AUTS2: variants seen among roughly 807,000 people sequenced by gnomAD.
The protein encoded by AUTS2 is autism susceptibility gene 2 protein.
Under a neutral mutation model 112.4 loss-of-function variants are expected in AUTS2, and 17 were observed. That is an observed-to-expected ratio of 0.15 (90% CI 0.10 to 0.23). AUTS2 has a LOEUF of 0.23. Among genes scored for constraint, AUTS2 ranks in the 10% least tolerant of loss-of-function variants. The pLI is 1.00. For synonymous variants in AUTS2, 751 were observed against 702.7 expected (o/e 1.07, Z -1.09); for missense variants, 1,510 against 1,701.6 (o/e 0.89, Z 1.98).
At chr7:70,299,605 A>G (rs1454995450) in intron 4 of AUTS2, among the ~76,000 whole-genome samples, 1 of 152,092 alleles carries the variant, frequency 6.6e-6, no homozygotes, top group African/African-American at 2.4e-5. Context: ...TTCTGCCACC[A>G]CAGCCTGAAC....
At chr7:70,003,217 A>C (rs1234137865) in intron 2 of AUTS2, among the ~76,000 whole-genome samples, 1 of 134,048 alleles carries the variant, frequency 7.5e-6, no homozygotes, top group East Asian at 2.2e-4. Flanking sequence ...TGAATATATT[A>C]TATATGAATA....
intron 4 of AUTS2, among the ~76,000 whole-genome samples, chr7:70,171,165 T>A (rs1216026706): frequency 6.6e-6 from 1 of 152,174 alleles, no homozygotes; most frequent in African/African-American, 2.4e-5. Flanking sequence ...ATTTCAAAAT[T>A]GAAAATTCTT....
chr7:70,652,634 C>A (rs754413626), intron 5 of AUTS2, among the ~76,000 whole-genome samples: 1 of 152,182 alleles, frequency 6.6e-6, no homozygotes, highest in Non-Finnish European at 1.5e-5. Flanking sequence ...CCTGTAGTCT[C>A]AGCTACTCGA....
At chr7:70,428,164 C>A (rs1469184132) in intron 4 of AUTS2, among the ~76,000 whole-genome samples, 2 of 152,108 alleles carry the variant, frequency 1.3e-5, no homozygotes, top group Non-Finnish European at 2.9e-5. Flanking sequence ...AGAACATTTT[C>A]AGGTTTAAAA....
At chr7:70,317,213 G>A (rs1387153986) in intron 4 of AUTS2, among the ~76,000 whole-genome samples, 2 of 152,026 alleles carry the variant, frequency 1.3e-5, no homozygotes, top group African/African-American at 4.8e-5. Context: ...ACTTTTTCCT[G>A]TGTATATTTT....
chr7:70,257,865 T>C lies in AUTS2; in HGVS notation c.660+123294T>C, dbSNP rs189747009. Among the ~76,000 whole-genome samples, 101 of 152,246 alleles carry C rather than the reference T, an allele frequency of 6.6e-4. No homozygotes were observed. The East Asian group carries it at 0.013, about 19-fold the overall frequency. On this transcript the variant is annotated intron_variant, in intron 4 of 18. Transcript: ENST00000342771. ...TCAGTGTGTGAGTATAGAATTGAGG[T>C]AGGCTGACAACACAAAAGTGGGCAG...
In AUTS2 at chr7:70,694,363, T is replaced by C. The variant is rs1808939142; in HGVS notation, c.691-4206T>C. 1 of 145,140 alleles carries C rather than the reference T, an allele frequency of 6.9e-6. No individual in the cohort carries two copies. The highest frequency in any genetic ancestry group is 1.5e-5 in the Non-Finnish European group (1 of 66,184). 9.0% of individuals were successfully genotyped at this position (145,140 alleles called of 1,614,324 possible). ...GCGCGCCGGCGAGATCCGCACAAAA[T>C]CCAGACTCCCGGAGCGGCTCCCTCC... On this transcript the variant is annotated intron_variant, in intron 5 of 18. Coordinates refer to ENST00000342771, the MANE Select transcript of AUTS2 (RefSeq NM_015570.4). This position sits in a 1 kb window ranked among gnomAD's most constrained non-coding sequence, Gnocchi z 4.1.
rs150204081 is a variant in AUTS2, at chr7:69,664,607, G to C, written c.309+64645G>C. Among the ~76,000 whole-genome samples the C allele has an allele frequency of 3.1e-3, 468 of 152,210 alleles. 1 individual carries two copies. Among genetic ancestry groups the C allele is most frequent in the Middle Eastern group, 0.01 (3 of 294 alleles). On this transcript the variant is annotated intron_variant, in intron 1 of 18. Coordinates refer to ENST00000342771, the MANE Select transcript of AUTS2 (RefSeq NM_015570.4). ...CTTGTTCAAGCAAAGCATGGCAAGTGGTAGGTGGAAAGTACCCTGTGTCTC... is the reference window on the plus strand; with the variant it reads ...CTTGTTCAAGCAAAGCATGGCAAGTCGTAGGTGGAAAGTACCCTGTGTCTC...
chr7:69,703,989 C>G (rs970652608), intron 1 of AUTS2, among the ~76,000 whole-genome samples: 1 of 152,182 alleles, frequency 6.6e-6, no homozygotes, highest in Non-Finnish European at 1.5e-5. Flanking sequence ...GAGGTCACAA[C>G]GTCCTGGCTG....
chr7:69,997,859 G>T lies in AUTS2; in HGVS notation c.522+98361G>T, dbSNP rs550764001. ...AAACATCCAAATCGTATTACCTGCA[G>T]GTTGACATTATAAATTCATTTTGTT... On this transcript the variant is annotated intron_variant, in intron 2 of 18. Coordinates refer to ENST00000342771, the MANE Select transcript of AUTS2 (RefSeq NM_015570.4). 2.0e-5 allele frequency among the ~76,000 whole-genome samples: 3 copies of T among 152,262 alleles called. No homozygotes were observed. The South Asian group carries it at 6.2e-4, about 32-fold the overall frequency.
intron 5 of AUTS2, among the ~76,000 whole-genome samples, chr7:70,571,706 A>C (rs1168514094): frequency 6.6e-6 from 1 of 152,152 alleles, no homozygotes; most frequent in Non-Finnish European, 1.5e-5. Context: ...TCTGTGGAGG[A>C]GCCTTGGGGA....
intron 4 of AUTS2, among the ~76,000 whole-genome samples, chr7:70,432,813 T>C (rs1795731118): frequency 6.6e-6 from 1 of 152,192 alleles, no homozygotes; most frequent in Admixed American, 6.5e-5. Context: ...GATGGTGCGC[T>C]CCTGCTGAGC....
At chr7:70,429,770 A>G (rs1424907847) in intron 4 of AUTS2, among the ~76,000 whole-genome samples, 1 of 152,212 alleles carries the variant, frequency 6.6e-6, no homozygotes, top group East Asian at 1.9e-4. Flanking sequence ...ATTTTTCAAG[A>G]ATTTGACTTT....
At chr7:70,496,680 C>G (rs1469291944) in intron 5 of AUTS2, among the ~76,000 whole-genome samples, 3 of 133,614 alleles carry the variant, frequency 2.2e-5, no homozygotes, top group African/African-American at 8.4e-5. Context: ...GATCACACAC[C>G]CCACTCACAC....
chr7:69,731,946 TTAAA>T (rs1385219618), intron 1 of AUTS2, among the ~76,000 whole-genome samples: 2 of 152,180 alleles, frequency 1.3e-5, no homozygotes, highest in African/African-American at 4.8e-5. Flanking sequence ...GAAGATTACG[TTAAA>T]TAATGCATTA....
At chr7:69,922,778 G>A (rs993326361) in intron 2 of AUTS2, among the ~76,000 whole-genome samples, 1 of 152,098 alleles carries the variant, frequency 6.6e-6, no homozygotes, top group Non-Finnish European at 1.5e-5. Context: ...TGTTAACATA[G>A]CGTGGGAAAG....
intron 4 of AUTS2, among the ~76,000 whole-genome samples, chr7:70,296,499 G>T (rs1031221026): frequency 2.0e-5 from 3 of 152,068 alleles, no homozygotes; most frequent in Admixed American, 6.5e-5. Flanking sequence ...CAGCATATAC[G>T]TACAGTTTTG....
At chr7:70,663,132 C>T (rs1314019068) in intron 5 of AUTS2, among the ~76,000 whole-genome samples, 3 of 152,226 alleles carry the variant, frequency 2.0e-5, no homozygotes, top group Non-Finnish European at 4.4e-5. Context: ...CGATGGCTCA[C>T]GCCTGTAATC....
chr7:70,215,518 T>C (rs1033908526), intron 4 of AUTS2, among the ~76,000 whole-genome samples: 2 of 152,130 alleles, frequency 1.3e-5, no homozygotes, highest in African/African-American at 4.8e-5. Flanking sequence ...TGGAAAAATA[T>C]TACTCTCCGG....
Sources: allele counts gnomAD v4.1 joint callset (sites outside exome capture counted in the v4.1 genomes callset), GRCh38; gene constraint gnomAD v4.1.1; non-coding constraint Gnocchi (gnomAD v3.1); transcripts MANE v1.5; gene names NCBI Gene and HGNC (gene_info 2026-07-23, HGNC 2026-07-21).